The following DHX37 variants were observed in gnomAD, a reference collection of about 807,000 sequenced individuals.
The protein encoded by DHX37 is DEAH-box helicase 37.
In DHX37, 52 loss-of-function variants were observed where a neutral mutation model predicts 134.3. The observed-to-expected ratio is 0.39, with a 90% CI of 0.31 to 0.49. The LOEUF is 0.49. DHX37 is among the 20% of genes least tolerant of loss of function. DHX37 has a pLI of 0.93. For synonymous variants in DHX37, 634 were observed against 670.7 expected (o/e 0.95, Z 0.85); for missense variants, 1,344 against 1,580.8 (o/e 0.85, Z 2.54).
intron 2 of DHX37, among the ~76,000 whole-genome samples, chr12:124,983,808 C>T (rs1006416520): frequency 6.7e-6 from 1 of 148,878 alleles, no homozygotes; most frequent in Non-Finnish European, 1.5e-5. Flanking sequence ...AAAAAGAACA[C>T]GCTCACAGGT....
Position 124,968,860 on chromosome 12 carries a change from G to C in DHX37, c.1293+7C>G, listed in dbSNP as rs1282485282. Reference sequence around the variant, plus strand: ...AAGCTCACAGAGGACATGGGACCCTGTGTTACCTTGATGACCGGCGGCGGC... The same window carrying C: ...AAGCTCACAGAGGACATGGGACCCTCTGTTACCTTGATGACCGGCGGCGGC... On this transcript the variant is annotated splice_region_variant and intron_variant, in intron 9 of 26. Transcript: ENST00000308736. 2 of 1,613,916 alleles carry C rather than the reference G, an allele frequency of 1.2e-6. No individual in the cohort carries two copies. The highest frequency in any genetic ancestry group is 1.1e-5 in the South Asian group (1 of 91,078).
chr12:124,966,770 G>C, intron 12 of DHX37, 23 bp downstream of exon 12: 1 of 1,613,308 alleles, frequency 6.2e-7, no homozygotes. Flanking sequence ...CTCTCCAGGA[G>C]TCCCTGCCAG....
At chr12:124,963,987 G>GT (rs891508679) in intron 15 of DHX37, among the ~76,000 whole-genome samples, 1 of 150,144 alleles carries the variant, frequency 6.7e-6, no homozygotes, top group Non-Finnish European at 1.5e-5. Flanking sequence ...CTGAAACCCC[G>GT]TCTCTACTAA....
intron 20 of DHX37, 25 bp downstream of exon 20, chr12:124,953,855 G>A (rs748518168): frequency 1.2e-6 from 2 of 1,606,044 alleles, no homozygotes; most frequent in Admixed American, 3.4e-5. Context: ...GCCGGGTGCA[G>A]CGGCGTGCCG....
At position 124,980,111 on chromosome 12, in the gene DHX37, C is replaced by T. The variant is rs1410857438; in HGVS notation, c.738+379G>A. 1.3e-5 allele frequency among the ~76,000 whole-genome samples: 2 copies of T among 152,216 alleles called. No homozygotes were observed. The highest frequency in any genetic ancestry group is 2.1e-4 in the South Asian group (1 of 4,838). On this transcript the variant is annotated intron_variant, in intron 4 of 26. Coordinates refer to ENST00000308736, the MANE Select transcript of DHX37 (RefSeq NM_032656.4). This position sits in a 1 kb window ranked among gnomAD's most constrained non-coding sequence, Gnocchi z 5.3. ...CCGGAATATTCCCATTTTACAGATGCGCGGGAAGTGAGCTGGAGAGCAGGG... is the reference window on the plus strand; with the variant it reads ...CCGGAATATTCCCATTTTACAGATGTGCGGGAAGTGAGCTGGAGAGCAGGG...
chr12:124,952,550 C>A lies in DHX37; in HGVS notation c.2716G>T (p.Ala906Ser). Residue 906 changes from alanine to serine, a missense_variant, in exon 21 of 27, where the codon GCT becomes TCT. Physicochemically the swap from Ala to Ser is moderately conservative, Grantham distance 99. Transcript: ENST00000308736. ...ATCTTGGGATCCACGAAGAGCTCAGCCTCGGGGCACACGGCATTGACTGAG... is the reference window on the plus strand; with the variant it reads ...ATCTTGGGATCCACGAAGAGCTCAGACTCGGGGCACACGGCATTGACTGAG... The part of the protein sequence containing the change: ...TTAVNAVCPE[A>S]ELFVDPKMQP... 1 of 1,594,196 alleles carries A rather than the reference C, an allele frequency of 6.3e-7. No homozygotes were observed. Among genetic ancestry groups the A allele is most frequent in the Non-Finnish European group, 8.6e-7 (1 of 1,166,568 alleles).
At chr12:124,968,803 G>A in intron 9 of DHX37, 64 bp downstream of exon 9, 3 of 1,602,898 alleles carry the variant, frequency 1.9e-6, no homozygotes, top group South Asian at 1.1e-5. Flanking sequence ...CTCTCAGGGG[G>A]CTCCCGACAC....
intron 10 of DHX37, 39 bp from the exon 11 acceptor site, chr12:124,967,257 C>G (rs1954408722): frequency 3.1e-6 from 5 of 1,601,026 alleles, no homozygotes; most frequent in Non-Finnish European, 4.3e-6. Context: ...CCATCAGTCA[C>G]TCACAAACAT....
At chr12:124,968,298 C>T (rs1954438064) in intron 10 of DHX37, among the ~76,000 whole-genome samples, 1 of 152,148 alleles carries the variant, frequency 6.6e-6, no homozygotes, top group Non-Finnish European at 1.5e-5. Flanking sequence ...TTCTGCTTAT[C>T]AGATGGGGAC....
intron 5 of DHX37, among the ~76,000 whole-genome samples, 193 bp from the exon 6 acceptor site, chr12:124,975,704 G>A (rs564173929): frequency 6.6e-6 from 1 of 152,262 alleles, no homozygotes; most frequent in South Asian, 2.1e-4. Flanking sequence ...AAAACGGTTC[G>A]ACATTCACCA....
At chr12:124,970,792 G>A (rs556285315) in intron 8 of DHX37, among the ~76,000 whole-genome samples, 150 of 152,334 alleles carry the variant, frequency 9.8e-4, no homozygotes, top group African/African-American at 3.5e-3. Flanking sequence ...CCCTCTCCCC[G>A]CCGGGAGGGT....
intron 15 of DHX37, among the ~76,000 whole-genome samples, chr12:124,962,738 G>A (rs1249944289): frequency 6.6e-6 from 1 of 152,184 alleles, no homozygotes; most frequent in African/African-American, 2.4e-5. Context: ...TCGGGAGGCT[G>A]AGGCAGGAGA....
chr12:124,979,402 A>G (rs1219603142), intron 4 of DHX37, among the ~76,000 whole-genome samples: 2 of 152,150 alleles, frequency 1.3e-5, no homozygotes, highest in Non-Finnish European at 2.9e-5. Context: ...CAGTGAAGAT[A>G]ACAGCAAAAA....
chr12:124,969,104 G>GATGCCACTTT (rs1401394604), intron 8 of DHX37, 136 bp from the exon 9 acceptor site: 8 of 803,178 alleles, frequency 1.0e-5, no homozygotes, highest in Non-Finnish European at 1.6e-5. Context: ...GATGCCAAAG[G>GATGCCACTTT]CTCCTTGGAG....
In DHX37 at chr12:124,964,364, C is replaced by T. The variant is rs199693826; in HGVS notation, c.2045+30G>A. On this transcript the variant is annotated intron_variant, in intron 15 of 26. Transcript: ENST00000308736. ...AGTGGCTATTGCAAGGCGGCACCAACGTCCCTGAGGAGGAGCCTGGGTGAC... is the reference window on the plus strand; with the variant it reads ...AGTGGCTATTGCAAGGCGGCACCAATGTCCCTGAGGAGGAGCCTGGGTGAC... 1.6e-3 allele frequency: 2,519 copies of T among 1,609,608 alleles called. 47 individuals carry two copies. The South Asian group carries it at 0.022, about 14-fold the overall frequency.
At chr12:124,976,409 A>C (rs896945890) in intron 5 of DHX37, among the ~76,000 whole-genome samples, 5 of 152,262 alleles carry the variant, frequency 3.3e-5, no homozygotes, top group African/African-American at 1.2e-4. Context: ...AGCAGGCTAC[A>C]CAGTGAAAAT....
In DHX37 at chr12:124,968,914, A is replaced by G; in HGVS notation, c.1246T>C (p.Phe416Leu). The G allele has an allele frequency of 6.2e-7, 1 of 1,614,102 alleles. No individual in the cohort carries two copies. The highest frequency in any genetic ancestry group is 8.5e-7 in the Non-Finnish European group (1 of 1,180,032). The change falls in exon 9 of 27, where the codon TTC becomes CTC. Residue 416 changes from phenylalanine to leucine, a missense_variant. This residue lies in a region of DHX37 where 289 missense variants were observed against 323.8 expected (regional missense o/e 0.89). Transcript: ENST00000308736. ...GCGAAGAGCCGTGGGTTCTGGGTGAAGTCCTCCACCCGCAGCGTGGCCGAC... is the reference window on the plus strand; with the variant it reads ...GCGAAGAGCCGTGGGTTCTGGGTGAGGTCCTCCACCCGCAGCGTGGCCGAC... ...IMSATLRVED[F>L]TQNPRLFAKP...
Position 124,965,695 on chromosome 12 carries a change from C to G in DHX37, c.1708G>C (p.Asp570His). The G allele has an allele frequency of 6.2e-7, 1 of 1,613,264 alleles. No homozygotes were observed. The highest frequency in any genetic ancestry group is 1.1e-5 in the South Asian group (1 of 90,760). The stretch of plus-strand genomic sequence containing the variant: ...CCATCTTGCCCGCCATCCCCCAGGT[C>G]CAGATCGAGGTCGGAGTCCAGGGCC... ...EGALDSDLDL[D>H]LGDGGQDGGE... The change falls in exon 13 of 27, where the codon GAC becomes CAC. Residue 570 changes from aspartate (D) to histidine (H), a missense_variant. By Grantham distance (81) the Asp-to-His change is moderately conservative. This residue lies in a region of DHX37 where 289 missense variants were observed against 323.8 expected (regional missense o/e 0.89). Transcript: ENST00000308736.
chr12:124,966,779 A>G lies in DHX37; in HGVS notation c.1590+14T>C. Reference sequence around the variant, plus strand: ...GCCTTACTCTCCAGGAGTCCCTGCCAGCCCCCCACGTACCTCAGCCCGCGC... The same window carrying G: ...GCCTTACTCTCCAGGAGTCCCTGCCGGCCCCCCACGTACCTCAGCCCGCGC... On this transcript the variant is annotated intron_variant, in intron 12 of 26. Transcript: ENST00000308736. The G allele has an allele frequency of 3.7e-6, 6 of 1,614,108 alleles. No homozygotes were observed. Among genetic ancestry groups the G allele is most frequent in the East Asian group, 2.2e-5 (1 of 44,886 alleles).
Sources: gnomAD v4.1 joint callset for allele counts (sites outside exome capture counted in the v4.1 genomes callset) on GRCh38, gnomAD v4.1.1 for gene constraint, gnomAD v4.1.1 regional missense constraint, Gnocchi (gnomAD v3.1) non-coding constraint, MANE v1.5 for transcripts, NCBI Gene and HGNC (gene_info 2026-07-23, HGNC 2026-07-21) for gene names.